Variants in ATP2C2 observed in about 807,000 individuals in gnomAD.
The protein encoded by ATP2C2 is ATPase secretory pathway Ca2+ transporting 2.
Under a neutral mutation model 110.8 loss-of-function variants are expected in ATP2C2, and 171 were observed. The observed-to-expected ratio is 1.54, with a 90% CI of 1.36 to 1.75. The LOEUF (loss-of-function observed/expected upper bound fraction) is 1.75. Ranked by LOEUF, ATP2C2 falls within the 40% of genes most tolerant of loss-of-function variation. The pLI is 0.00. For synonymous variants in ATP2C2, 804 were observed against 508.4 expected (o/e 1.58, Z -7.82); for missense variants, 1,963 against 1,235.0 (o/e 1.59, Z -8.84).
intron 2 of ATP2C2, 66 bp downstream of exon 2, chr16:84,398,675 A>G: frequency 7.6e-7 from 1 of 1,322,974 alleles, no homozygotes; most frequent in Non-Finnish European, 1.0e-6. Context: ...AAAGCAACAC[A>G]AAGCCCTGAA....
In ATP2C2 at chr16:84,439,407, A is replaced by G. The variant is rs769124014; in HGVS notation, c.1112-20A>G. 3.1e-6 allele frequency: 5 copies of G among 1,613,734 alleles called. No homozygotes were observed. Among genetic ancestry groups the G allele is most frequent in the African/African-American group, 1.3e-5 (1 of 74,970 alleles). The stretch of plus-strand genomic sequence containing the variant: ...GAGGATGGCAACTTCTCTTCTATAA[A>G]CTGGTGTTTGTTGTACCAGGTTGCT... On this transcript the variant is annotated intron_variant, in intron 12 of 26. Transcript: ENST00000262429.
At chr16:84,448,135 A>G (rs1321786447) in intron 16 of ATP2C2, among the ~76,000 whole-genome samples, 1 of 152,106 alleles carries the variant, frequency 6.6e-6, no homozygotes, top group Non-Finnish European at 1.5e-5. Context: ...GTGGGTACAA[A>G]ATAGACTTGG....
In ATP2C2 at chr16:84,454,862, GGTGAACGACGCA is replaced by G; in HGVS notation, c.2029_2040del (p.Asn677_Val680del). The G allele has an allele frequency of 6.2e-7, 1 of 1,613,628 alleles. No homozygotes were observed. The highest frequency in any genetic ancestry group is 8.5e-7 in the Non-Finnish European group (1 of 1,179,750). ...CGATCGTGGCCATGACTGGGGATGG[GGTGAACGACGCA>G]GTGGCCCTGAAGTCTGCAGACATTG... On this transcript the variant is annotated inframe_deletion, in exon 21 of 27. Coordinates refer to ENST00000262429, the MANE Select transcript of ATP2C2 (RefSeq NM_014861.4).
rs1242844843 is a variant in ATP2C2 at position 84,462,053 on chromosome 16, C to T, written c.2646C>T (p.Ser882=). The T allele has an allele frequency of 3.1e-6, 5 of 1,614,108 alleles. No individual in the cohort carries two copies. The highest frequency in any genetic ancestry group is 1.1e-5 in the South Asian group (1 of 91,084). The stretch of plus-strand genomic sequence containing the variant: ...TGTTCCTCTACTCCGTCCTGGGGTC[C>T]ATCCTGGGGCAGCTGGCGGTCATTT... ...NHMFLYSVLG[S]ILGQLAVIYI... Residue 882 remains serine, a synonymous_variant, in exon 26 of 27, where the codon TCC becomes TCT. Coordinates refer to ENST00000262429, the MANE Select transcript of ATP2C2 (RefSeq NM_014861.4).
At chr16:84,459,247 G>C (rs758660634) in intron 22 of ATP2C2, 23 bp from the exon 23 acceptor site, 2 of 1,614,012 alleles carry the variant, frequency 1.2e-6, no homozygotes, top group Non-Finnish European at 8.5e-7. Context: ...GGCGGCCGCT[G>C]ACTGGCTGCG....
In ATP2C2 at chr16:84,410,699, G is replaced by A. The variant is rs900853343; in HGVS notation, c.454-5G>A. ...AAACAGCACATCTGATGTGCTTCCT[G>A]CCAGGAGTACAGGTCGGAGAAATCT... is the stretch of plus-strand genomic sequence containing the variant. On this transcript the variant is annotated splice_region_variant and splice_polypyrimidine_tract_variant and intron_variant, in intron 5 of 26. Transcript: ENST00000262429. 1 of 1,614,112 alleles carries A rather than the reference G, an allele frequency of 6.2e-7. No homozygotes were observed. Among genetic ancestry groups the A allele is most frequent in the Non-Finnish European group, 8.5e-7 (1 of 1,179,996 alleles).
intron 11 of ATP2C2, among the ~76,000 whole-genome samples, chr16:84,431,803 C>T (rs908334392): frequency 6.6e-6 from 1 of 152,156 alleles, no homozygotes; most frequent in Admixed American, 6.5e-5. Flanking sequence ...CTCTGTGACA[C>T]TTTGGAAGCA....
chr16:84,425,623 T>A (rs1312565533), intron 10 of ATP2C2, 112 bp from the exon 11 acceptor site: 44 of 1,199,710 alleles, frequency 3.7e-5, no homozygotes, highest in Non-Finnish European at 5.1e-5. Context: ...TTATCAGGCG[T>A]TCCTCTGTGC....
In ATP2C2 at chr16:84,423,277, T is replaced by C. The variant is rs538910781; in HGVS notation, c.919+14T>C. 1.9e-6 allele frequency: 3 copies of C among 1,611,314 alleles called. No individual in the cohort carries two copies. Among genetic ancestry groups the C allele is most frequent in the African/African-American group, 2.7e-5 (2 of 74,974 alleles). On this transcript the variant is annotated intron_variant, in intron 10 of 26. Transcript: ENST00000262429. ...TTGGCATAATCGGTGAGTGAAGCAG[T>C]TTCCATACTGGGTTTGTTCTGCAGA...
intron 11 of ATP2C2, among the ~76,000 whole-genome samples, chr16:84,430,894 T>G (rs1368403860): frequency 6.6e-6 from 1 of 152,010 alleles, no homozygotes; most frequent in African/African-American, 2.4e-5. Flanking sequence ...GGGCTCCTTG[T>G]CAGCAACCCA....
chr16:84,451,862 C>A (rs150955430), intron 17 of ATP2C2, 59 bp from the exon 18 acceptor site: 1 of 1,518,470 alleles, frequency 6.6e-7, no homozygotes, highest in Non-Finnish European at 8.9e-7. Context: ...CAACCAACAA[C>A]AAAAAACGAC....
chr16:84,411,814 T>C (rs1315488305), intron 6 of ATP2C2, among the ~76,000 whole-genome samples: 2 of 152,220 alleles, frequency 1.3e-5, no homozygotes, highest in Admixed American at 6.5e-5. Context: ...GTGGCTACCA[T>C]ATTGGGCAGC....
chr16:84,451,194 A>C (rs1331044841), intron 17 of ATP2C2, among the ~76,000 whole-genome samples: 1 of 152,136 alleles, frequency 6.6e-6, no homozygotes, highest in African/African-American at 2.4e-5. Flanking sequence ...CCTAAGGGGA[A>C]ACCCCTCATA....
At chr16:84,461,679 C>T in intron 24 of ATP2C2, 35 bp from the exon 25 acceptor site, 1 of 1,586,090 alleles carries the variant, frequency 6.3e-7, no homozygotes, top group Non-Finnish European at 8.7e-7. Context: ...TTGTCTCTTC[C>T]CGCCTAACCT....
intron 11 of ATP2C2, among the ~76,000 whole-genome samples, chr16:84,434,140 G>A (rs1487105961): frequency 2.0e-5 from 3 of 151,986 alleles, no homozygotes; most frequent in Non-Finnish European, 4.4e-5. Context: ...TTCCTGGGTC[G>A]GGCACGGTGG....
intron 11 of ATP2C2, among the ~76,000 whole-genome samples, chr16:84,426,279 ATC>A (rs1907809485): frequency 6.6e-6 from 1 of 151,876 alleles, no homozygotes; most frequent in African/African-American, 2.4e-5. Flanking sequence ...AAACAATTAG[ATC>A]TCTCAGGAAC....
chr16:84,443,402 T>C (rs1041567655), intron 15 of ATP2C2, among the ~76,000 whole-genome samples: 7 of 152,164 alleles, frequency 4.6e-5, no homozygotes, highest in Admixed American at 4.6e-4. Context: ...CTTTCTGCTG[T>C]GTGACTTGTC....
At position 84,405,987 on chromosome 16, in the gene ATP2C2, G is replaced by C. The variant is rs542104379; in HGVS notation, c.327+743G>C. Among the ~76,000 whole-genome samples, 8 of 152,294 alleles carry C rather than the reference G, an allele frequency of 5.3e-5. No individual in the cohort carries two copies. In the East Asian group the frequency reaches 1.5e-3, roughly 29 times the overall value. On this transcript the variant is annotated intron_variant, in intron 3 of 26. Coordinates refer to ENST00000262429, the MANE Select transcript of ATP2C2 (RefSeq NM_014861.4). ...AAGAAGCAATTTCTAGTATAAGTGT[G>C]TCCCAATACAGTGGACGTGCTTATA...
chr16:84,463,972 C>A lies in ATP2C2; in HGVS notation c.*240C>A. 2.2e-6 allele frequency: 1 copy of A among 463,804 alleles called. No individual in the cohort carries two copies. The highest frequency in any genetic ancestry group is 3.9e-6 in the Non-Finnish European group (1 of 257,010). The allele number at this position is 463,804 out of a possible 1,614,324, so 28.7% of individuals were successfully genotyped here. ...GAGGGGCCTGTACAGAAACACCACA[C>A]TGTTTATTAAATCACAATGATTTTT... On this transcript the variant is annotated 3_prime_UTR_variant, in exon 27 of 27. Transcript: ENST00000262429.
Sources: gnomAD v4.1 joint callset for allele counts (sites outside exome capture counted in the v4.1 genomes callset) on GRCh38, gnomAD v4.1.1 for gene constraint, MANE v1.5 for transcripts, NCBI Gene and HGNC (gene_info 2026-07-23, HGNC 2026-07-21) for gene names.